ADAMTSL1: variants seen among roughly 807,000 people sequenced by gnomAD.
ADAMTSL1 encodes ADAMTS like 1.
A neutral mutation model predicts 201.8 loss-of-function variants in ADAMTSL1; 126 were observed. The ratio of observed to expected loss-of-function variants is 0.62; its 90% CI spans 0.54 to 0.72. The LOEUF (loss-of-function observed/expected upper bound fraction) is 0.72. Among genes scored for constraint, ADAMTSL1 ranks in the 30% least tolerant of loss-of-function variants. The probability of loss-of-function intolerance (pLI) is 0.00; values close to 1 mark genes in which losing one functional copy is unlikely to be tolerated. For missense variants in ADAMTSL1, 2,679 were observed against 2,277.8 expected (o/e 1.18, Z -3.59); for synonymous variants, 1,121 against 903.4 (o/e 1.24, Z -4.32).
intron 7 of ADAMTSL1, among the ~76,000 whole-genome samples, chr9:18,641,221 C>G (rs1231562012): frequency 6.6e-6 from 1 of 152,064 alleles, no homozygotes; most frequent in East Asian, 1.9e-4. Context: ...TCTCCTCCTT[C>G]CAGGAGTATT....
chr9:18,560,841 C>T (rs1291899602), intron 3 of ADAMTSL1, among the ~76,000 whole-genome samples: 11 of 150,744 alleles, frequency 7.3e-5, no homozygotes, highest in South Asian at 4.2e-4. Context: ...TCTGTGGGAT[C>T]GGTGGTGATA....
At chr9:18,261,495 G>C (rs920160545) in intron 2 of ADAMTSL1, among the ~76,000 whole-genome samples, 10 of 152,290 alleles carry the variant, frequency 6.6e-5, no homozygotes, top group East Asian at 1.9e-4. Context: ...CTAAGCCTCA[G>C]ACTTTTCACC....
intron 12 of ADAMTSL1, among the ~76,000 whole-genome samples, chr9:18,682,601 A>C (rs997677903): frequency 6.6e-6 from 1 of 152,204 alleles, no homozygotes; most frequent in African/African-American, 2.4e-5. Flanking sequence ...TTTCTGTACA[A>C]GTATTGTTAC....
At chr9:18,627,174 G>T (rs1016232547) in intron 5 of ADAMTSL1, among the ~76,000 whole-genome samples, 7 of 151,936 alleles carry the variant, frequency 4.6e-5, no homozygotes, top group African/African-American at 1.5e-4. Context: ...TAGAGATGGG[G>T]TTTTGCCATG....
rs1212125018 is a variant in ADAMTSL1, at chr9:18,738,598, A to G, written c.2007-14700A>G. The stretch of plus-strand genomic sequence containing the variant: ...ATCCAATGTTCTTATTCAGAATCTA[A>G]TTGCTGAGTTGCCCCCACTGTTTCT... On this transcript the variant is annotated intron_variant, in intron 15 of 28. Transcript: ENST00000380548. Among the ~76,000 whole-genome samples the G allele has an allele frequency of 2.6e-5, 4 of 152,154 alleles. No homozygotes were observed. The South Asian group carries it at 8.3e-4, about 32-fold the overall frequency.
chr9:18,795,784 A>G (rs1042942230), intron 20 of ADAMTSL1, among the ~76,000 whole-genome samples: 2 of 152,242 alleles, frequency 1.3e-5, no homozygotes, highest in Non-Finnish European at 2.9e-5. Context: ...GATAAGAGAC[A>G]GGGATATTTC....
chr9:18,776,665 CCTT>C lies in ADAMTSL1; in HGVS notation c.2552-113_2552-111del, dbSNP rs900856508. 7.4e-6 allele frequency: 9 copies of C among 1,220,430 alleles called. No individual in the cohort carries two copies. The African/African-American group carries it at 9.2e-5, about 13-fold the overall frequency. The allele number at this position is 1,220,430 out of a possible 1,614,324, so 75.6% of individuals were successfully genotyped here. A position where few individuals can be genotyped will look rare whatever the true frequency, so the allele number is the denominator to read the frequency against. ...CCCGTCCTCCGGCACCTTCGTCTCT[CCTT>C]CTCTTCTCCACTCTGGCTCTTTCCT... On this transcript the variant is annotated intron_variant, in intron 18 of 28. Coordinates refer to ENST00000380548, the MANE Select transcript of ADAMTSL1 (RefSeq NM_001040272.6).
intron 23 of ADAMTSL1, among the ~76,000 whole-genome samples, chr9:18,866,644 A>AC (rs1211459652): frequency 3.3e-5 from 5 of 152,136 alleles, no homozygotes; most frequent in African/African-American, 1.2e-4. Context: ...AAATACAGTC[A>AC]CCTCTACAGC....
At chr9:17,984,729 T>C (rs1818854092) in intron 1 of ADAMTSL1, among the ~76,000 whole-genome samples, 1 of 152,100 alleles carries the variant, frequency 6.6e-6, no homozygotes, top group African/African-American at 2.4e-5. Flanking sequence ...ATAAACCTAT[T>C]CTTTTGATGG....
upstream of ADAMTSL1, among the ~76,000 whole-genome samples, chr9:18,471,063 A>G (rs1325803382): frequency 1.3e-5 from 2 of 152,192 alleles, no homozygotes; most frequent in Non-Finnish European, 2.9e-5. Flanking sequence ...AGATTACCTA[A>G]AGTTTTACAT....
intron 4 of ADAMTSL1, among the ~76,000 whole-genome samples, chr9:18,617,864 G>A (rs958348744): frequency 1.3e-5 from 2 of 152,140 alleles, no homozygotes; most frequent in Non-Finnish European, 2.9e-5. Flanking sequence ...TCTGGATGAG[G>A]ATGAGGTCAG....
chr9:18,609,287 A>T (rs1825224544), intron 4 of ADAMTSL1, among the ~76,000 whole-genome samples: 1 of 152,182 alleles, frequency 6.6e-6, no homozygotes, highest in Non-Finnish European at 1.5e-5. Flanking sequence ...ATTTGAGTAG[A>T]ATGCAGAGGA....
chr9:18,886,351 A>C (rs1348354834), intron 23 of ADAMTSL1, among the ~76,000 whole-genome samples: 1 of 151,386 alleles, frequency 6.6e-6, no homozygotes, highest in Non-Finnish European at 1.5e-5. Context: ...GCACCACTGC[A>C]CTCCAGCTTG....
intron 9 of ADAMTSL1, among the ~76,000 whole-genome samples, chr9:18,671,507 C>T (rs1829808874): frequency 6.6e-6 from 1 of 152,040 alleles, no homozygotes. Context: ...TGAAGGTAGC[C>T]CCAGTGTACA....
In ADAMTSL1 at chr9:18,171,290, A is replaced by G. The variant is rs374952843; in HGVS notation, c.207+7309A>G. Among the ~76,000 whole-genome samples the G allele has an allele frequency of 1.8e-4, 28 of 152,192 alleles. No individual in the cohort carries two copies. The East Asian group carries it at 5.0e-3, about 27-fold the overall frequency. On this transcript the variant is annotated intron_variant, in intron 2 of 29. Transcript: ENST00000680146. The stretch of plus-strand genomic sequence containing the variant: ...GGATGTAATAAATGGTTACATAAAA[A>G]CAAATTTCAGACATATTAAAAGTTT...
intron 2 of ADAMTSL1, among the ~76,000 whole-genome samples, chr9:18,378,621 C>G (rs528038009): frequency 2.0e-5 from 3 of 152,262 alleles, no homozygotes; most frequent in African/African-American, 7.2e-5. Flanking sequence ...TCAGAACAAG[C>G]CTTTCTCCTC....
intron 4 of ADAMTSL1, among the ~76,000 whole-genome samples, chr9:18,616,833 A>G (rs1286750544): frequency 6.6e-6 from 1 of 152,154 alleles, no homozygotes; most frequent in African/African-American, 2.4e-5. Flanking sequence ...TCTTTTTATT[A>G]TTTAATGAAA....
At chr9:18,125,494 A>G (rs1246370759) in intron 1 of ADAMTSL1, among the ~76,000 whole-genome samples, 6 of 152,156 alleles carry the variant, frequency 3.9e-5, no homozygotes, top group Non-Finnish European at 7.4e-5. Context: ...CTAACAAACC[A>G]TTACCTAATC....
chr9:18,673,249 A>G (rs946842352), intron 9 of ADAMTSL1, among the ~76,000 whole-genome samples: 2 of 152,144 alleles, frequency 1.3e-5, no homozygotes, highest in African/African-American at 4.8e-5. Context: ...AAAAAAAAAA[A>G]GTAAGCAATA....
Sources: gnomAD v4.1 joint callset for allele counts (sites outside exome capture counted in the v4.1 genomes callset) on GRCh38, gnomAD v4.1.1 for gene constraint, MANE v1.5 for transcripts, NCBI Gene and HGNC (gene_info 2026-07-23, HGNC 2026-07-21) for gene names.